Variants in JAK2 observed in about 807,000 individuals in gnomAD.
JAK2 encodes the protein Janus kinase 2.
JAK2 carries 86 observed loss-of-function variants against 139.3 expected under a neutral mutation model. The observed-to-expected ratio is 0.62, with a 90% CI of 0.52 to 0.74. JAK2 has a LOEUF of 0.74. Among genes scored for constraint, JAK2 ranks in the 30% least tolerant of loss-of-function variants. The pLI is 0.00. For synonymous variants in JAK2, 490 were observed against 437.7 expected (o/e 1.12, Z -1.49); for missense variants, 1,421 against 1,360.3 (o/e 1.04, Z -0.70).
At chr9:5,025,905 A>G (rs1024676348) in intron 3 of JAK2, among the ~76,000 whole-genome samples, 35 of 151,880 alleles carry the variant, frequency 2.3e-4, no homozygotes, top group African/African-American at 8.2e-4. Flanking sequence ...AAAATTGTCC[A>G]TCTGTCTATA....
At position 5,074,387 on chromosome 9, in the gene JAK2, A is replaced by G. The variant is rs561607582; in HGVS notation, c.1864+602A>G. Among the ~76,000 whole-genome samples the G allele has an allele frequency of 3.9e-5, 6 of 152,282 alleles. No homozygotes were observed. In the East Asian group the frequency reaches 1.2e-3, roughly 29 times the overall value. On this transcript the variant is annotated intron_variant, in intron 14 of 24. Coordinates refer to ENST00000381652, the MANE Select transcript of JAK2 (RefSeq NM_004972.4). ...CAACCCAGTGTCTAGCAACTCTGTCAGCAACATTTTCCCAACAGCATGTGC... is the reference window on the plus strand; with the variant it reads ...CAACCCAGTGTCTAGCAACTCTGTCGGCAACATTTTCCCAACAGCATGTGC...
At chr9:5,042,930 G>A (rs984442089) in intron 4 of JAK2, among the ~76,000 whole-genome samples, 15 of 152,230 alleles carry the variant, frequency 9.9e-5, no homozygotes, top group Non-Finnish European at 8.8e-5. Flanking sequence ...CCTGCTAGGA[G>A]GGTGCTTCTC....
At chr9:5,066,330 A>T (rs1341075822) in intron 9 of JAK2, among the ~76,000 whole-genome samples, 3 of 152,138 alleles carry the variant, frequency 2.0e-5, no homozygotes, top group African/African-American at 7.2e-5. Context: ...TCTGATATAT[A>T]ATCTTTATAG....
chr9:5,029,964 T>C, intron 4 of JAK2, 58 bp downstream of exon 4: 1 of 1,477,002 alleles, frequency 6.8e-7, no homozygotes, highest in Non-Finnish European at 9.1e-7. Context: ...GGAGAAATTA[T>C]CAAATATTTT....
intron 5 of JAK2, among the ~76,000 whole-genome samples, chr9:5,046,249 T>G (rs1817000310): frequency 6.6e-6 from 1 of 152,188 alleles, no homozygotes; most frequent in South Asian, 2.1e-4. Flanking sequence ...CCTTTGCCCA[T>G]TTTTAAATCA....
intron 5 of JAK2, among the ~76,000 whole-genome samples, chr9:5,048,714 T>C (rs1214495591): frequency 3.3e-5 from 5 of 152,196 alleles, no homozygotes; most frequent in Non-Finnish European, 7.3e-5. Context: ...ATTTTATTAA[T>C]AGAAAAGCAA....
chr9:5,043,414 C>T (rs1816762906), intron 4 of JAK2, among the ~76,000 whole-genome samples: 1 of 151,974 alleles, frequency 6.6e-6, no homozygotes. Context: ...AATAATAGGT[C>T]TACAAGGATG....
chr9:4,994,944 G>A (rs1460822684), intron 2 of JAK2, among the ~76,000 whole-genome samples: 1 of 115,406 alleles, frequency 8.7e-6, no homozygotes, highest in Non-Finnish European at 1.6e-5. Context: ...TTGTCAGGGC[G>A]TGTGTGTGTG....
chr9:4,989,785 C>T (rs1422940809), intron 2 of JAK2, among the ~76,000 whole-genome samples: 1 of 152,030 alleles, frequency 6.6e-6, no homozygotes, highest in African/African-American at 2.4e-5. Flanking sequence ...GTTCAGAGAG[C>T]AGTACATAAA....
At chr9:4,991,913 C>G (rs1048597444) in intron 2 of JAK2, among the ~76,000 whole-genome samples, 3 of 152,154 alleles carry the variant, frequency 2.0e-5, no homozygotes, top group African/African-American at 7.2e-5. Flanking sequence ...CTTCCCTCTA[C>G]TGGATTATTT....
At chr9:5,046,591 G>A (rs1042821460) in intron 5 of JAK2, among the ~76,000 whole-genome samples, 2 of 152,130 alleles carry the variant, frequency 1.3e-5, no homozygotes. Context: ...GTGAAGGTAA[G>A]GGCCCAACTT....
chr9:5,112,033 C>T, intron 22 of JAK2: 1 of 407,320 alleles, frequency 2.5e-6, no homozygotes, highest in Non-Finnish European at 4.9e-6. Context: ...GTCCCTGGTG[C>T]CTTATCACCC....
intron 4 of JAK2, among the ~76,000 whole-genome samples, chr9:5,033,675 C>T (rs1328179615): frequency 6.6e-6 from 1 of 152,156 alleles, no homozygotes; most frequent in Non-Finnish European, 1.5e-5. Flanking sequence ...AAATCCTTTA[C>T]AGACAAGCAA....
At chr9:5,097,102 A>T (rs910312820) in intron 22 of JAK2, 1 of 152,074 alleles carries the variant, frequency 6.6e-6, no homozygotes, top group Non-Finnish European at 1.5e-5. Context: ...GGGTCTTACC[A>T]TCTTCTCACT....
intron 2 of JAK2, among the ~76,000 whole-genome samples, chr9:4,990,592 G>A (rs1400116157): frequency 1.3e-5 from 2 of 151,058 alleles, no homozygotes; most frequent in Non-Finnish European, 1.5e-5. Context: ...GAGAGGAATG[G>A]GTAAAGGAGA....
At position 5,077,552 on chromosome 9, in the gene JAK2, A is replaced by G; in HGVS notation, c.1964A>G (p.Lys655Arg). The G allele has an allele frequency of 6.7e-7, 1 of 1,495,274 alleles. No individual in the cohort carries two copies. Among genetic ancestry groups the G allele is most frequent in the Non-Finnish European group, 8.9e-7 (1 of 1,123,316 alleles). The allele number at this position is 1,495,274 out of a possible 1,614,324, so 92.6% of individuals were successfully genotyped here. Residue 655 changes from lysine to arginine, a missense_variant, in exon 15 of 25, where the codon AAA (lysine) becomes AGA (arginine). Physicochemically the swap from Lys to Arg is conservative, Grantham distance 26. Transcript: ENST00000381652. ...INILWKLEVA[K>R]QLAWAMHFLE... The stretch of plus-strand genomic sequence containing the variant: ...ATATTATGGAAACTTGAAGTTGCTA[A>G]ACAGTTGGCATGGGCCATGCATTTT...
chr9:5,044,814 A>G (rs1226916611), intron 5 of JAK2, among the ~76,000 whole-genome samples: 1 of 152,218 alleles, frequency 6.6e-6, no homozygotes, highest in Non-Finnish European at 1.5e-5. Context: ...GAGGTTTACA[A>G]CATGATTCAT....
At chr9:5,039,876 T>G (rs939861494) in intron 4 of JAK2, among the ~76,000 whole-genome samples, 1 of 152,186 alleles carries the variant, frequency 6.6e-6, no homozygotes, top group Admixed American at 6.5e-5. Context: ...ATTTTTAAGA[T>G]GGCAATACTC....
intron 22 of JAK2, among the ~76,000 whole-genome samples, chr9:5,105,852 C>T (rs1358442188): frequency 6.6e-6 from 1 of 152,190 alleles, no homozygotes; most frequent in South Asian, 2.1e-4. Context: ...GGAAAACTGG[C>T]TAGCCATATG....
Sources: gnomAD v4.1 joint callset for allele counts (sites outside exome capture counted in the v4.1 genomes callset) on GRCh38, gnomAD v4.1.1 for gene constraint, MANE v1.5 for transcripts, NCBI Gene and HGNC (gene_info 2026-07-23, HGNC 2026-07-21) for gene names.